COL6A1: variants seen among roughly 807,000 people sequenced by gnomAD.
COL6A1 encodes collagen type VI alpha 1 chain, also known as collagen alpha-1(VI) chain.
In COL6A1, 80 loss-of-function variants were observed where a neutral mutation model predicts 145.6. The ratio of observed to expected loss-of-function variants is 0.55; its 90% CI spans 0.46 to 0.66. COL6A1 has a LOEUF of 0.66. Among genes scored for constraint, COL6A1 ranks in the 30% least tolerant of loss-of-function variants. COL6A1 has a pLI of 0.00. For synonymous variants in COL6A1, 638 were observed against 622.8 expected (o/e 1.02, Z -0.36); for missense variants, 1,364 against 1,473.8 (o/e 0.93, Z 1.22).
In COL6A1 at chr21:45,992,028, G is replaced by A. The variant is rs1401779653; in HGVS notation, c.1138G>A (p.Gly380Arg). 16 of 1,602,162 alleles carry A rather than the reference G, an allele frequency of 1.0e-5. No individual in the cohort carries two copies. Among genetic ancestry groups the A allele is most frequent in the Non-Finnish European group, 1.3e-5 (15 of 1,174,998 alleles). ...KGEKGEPGAD[G>R]EAGRPGSSGP... ...TCCCCAGGGCGAGCCTGGAGCTGAC[G>A]GGGAGGCGGGGAGACCAGGGAGCTC... is the stretch of plus-strand genomic sequence containing the variant. Residue 380 changes from glycine (G) to arginine (R), a missense_variant, in exon 16 of 35, where the codon GGG (glycine) becomes AGG (arginine). By Grantham distance (125) the Gly-to-Arg change is moderately radical. This residue lies in a region of COL6A1 where 938 missense variants were observed against 1,003.8 expected (regional missense o/e 0.93). Transcript: ENST00000361866.
chr21:46,003,452 C>A lies in COL6A1; in HGVS notation c.2526C>A (p.Ser842Arg). The A allele has an allele frequency of 6.2e-7, 1 of 1,606,388 alleles. No homozygotes were observed. The highest frequency in any genetic ancestry group is 8.5e-7 in the Non-Finnish European group (1 of 1,179,728). Reference sequence around the variant, plus strand: ...TGGACGGCTCCGCCAGCGTGGGCAGCCACAACTTTGACACCACCAAGCGCT... The same window carrying A: ...TGGACGGCTCCGCCAGCGTGGGCAGACACAACTTTGACACCACCAAGCGCT... Reference protein sequence around the residue: ...ILLDGSASVGSHNFDTTKRFA... With the variant: ...ILLDGSASVGRHNFDTTKRFA... Residue 842 changes from serine to arginine, a missense_variant, in exon 35 of 35, where the codon AGC becomes AGA. Coordinates refer to ENST00000361866, the MANE Select transcript of COL6A1 (RefSeq NM_001848.3).
chr21:45,987,073 G>T lies in COL6A1; in HGVS notation c.717+1G>T. 6.4e-7 allele frequency: 1 copy of T among 1,558,194 alleles called. No individual in the cohort carries two copies. The highest frequency in any genetic ancestry group is 8.7e-7 in the Non-Finnish European group (1 of 1,151,484). On this transcript the variant is annotated splice_donor_variant, in intron 5 of 34. Transcript: ENST00000361866. LOFTEE classifies it high-confidence loss of function. ...CATCGACACCATCGTGGACATGATCGTGAGGCCCCTGCCCAGGAGACGGGG... is the reference window on the plus strand; with the variant it reads ...CATCGACACCATCGTGGACATGATCTTGAGGCCCCTGCCCAGGAGACGGGG...
At chr21:45,988,976 C>T in intron 8 of COL6A1, 108 bp from the exon 9 acceptor site, 1 of 1,367,480 alleles carries the variant, frequency 7.3e-7, no homozygotes. Context: ...CTTTAAAGCC[C>T]TTGATCCCTG....
rs528205558 is a variant in COL6A1, at chr21:45,987,763, G to A, written c.804+109G>A. 3.8e-5 allele frequency: 47 copies of A among 1,244,376 alleles called. No homozygotes were observed. The South Asian group carries it at 5.1e-4, about 13-fold the overall frequency. 77.1% of individuals were successfully genotyped at this position (1,244,376 alleles called of 1,614,324 possible). ...TCCACCATGAGGATCCAGAGGGGAC[G>A]GCGGGGGTCCAGATGGAGGGGACGG... On this transcript the variant is annotated intron_variant, in intron 8 of 34. Transcript: ENST00000361866.
At chr21:45,987,213 C>T (rs2077744572) in intron 6 of COL6A1, 38 bp downstream of exon 6, 1 of 1,587,478 alleles carries the variant, frequency 6.3e-7, no homozygotes. Context: ...CGTGAGTCTG[C>T]ACACGTCCAC....
Position 45,984,270 on chromosome 21 carries a change from T to A in COL6A1, c.229T>A (p.Tyr77Asn). The change falls in exon 3 of 35, where the codon TAC (tyrosine) becomes AAC (asparagine). Residue 77 changes from tyrosine (Y) to asparagine (N), a missense_variant and splice_region_variant. Tyr to Asn is a moderately radical substitution (Grantham distance 143, BLOSUM62 -2). Coordinates refer to ENST00000361866, the MANE Select transcript of COL6A1 (RefSeq NM_001848.3). ...KRFIDNLRDR[Y>N]YRCDRNLVWN... ...GCCCGCCGTGCCTGTTCCTGGCAGG[T>A]ACTACCGCTGTGACCGAAACCTGGT... 1 of 1,605,248 alleles carries A rather than the reference T, an allele frequency of 6.2e-7. No homozygotes were observed. Among genetic ancestry groups the A allele is most frequent in the Non-Finnish European group, 8.5e-7 (1 of 1,176,602 alleles).
intron 3 of COL6A1, among the ~76,000 whole-genome samples, chr21:45,985,303 G>T (rs1418177749): frequency 6.6e-6 from 1 of 151,796 alleles, no homozygotes; most frequent in Non-Finnish European, 1.5e-5. Flanking sequence ...GATAGAGACA[G>T]AGAGGGAGAC....
intron 20 of COL6A1, among the ~76,000 whole-genome samples, chr21:45,995,991 C>G (rs866970609): frequency 1.3e-5 from 2 of 152,376 alleles, no homozygotes; most frequent in Middle Eastern, 3.4e-3. Flanking sequence ...CCCCTCCCCT[C>G]CACCCTGCCC....
chr21:46,002,209 G>A lies in COL6A1; in HGVS notation c.2067-9G>A, dbSNP rs951198320. On this transcript the variant is annotated splice_polypyrimidine_tract_variant and intron_variant, in intron 31 of 34. Coordinates refer to ENST00000361866, the MANE Select transcript of COL6A1 (RefSeq NM_001848.3). ...CCCCAACCGGCCCTTCCTGCCCTTT[G>A]CTATGCAGAGCCATCAAGAGCCTGC... 1 of 1,597,348 alleles carries A rather than the reference G, an allele frequency of 6.3e-7. No homozygotes were observed. Among genetic ancestry groups the A allele is most frequent in the African/African-American group, 1.3e-5 (1 of 74,908 alleles).
intron 8 of COL6A1, among the ~76,000 whole-genome samples, chr21:45,988,787 T>C (rs2077757623): frequency 6.6e-6 from 1 of 152,136 alleles, no homozygotes; most frequent in Admixed American, 6.5e-5. Flanking sequence ...CCGAGTCCCA[T>C]GGCCATTTCC....
intron 15 of COL6A1, 120 bp from the exon 16 acceptor site, chr21:45,991,890 C>A: frequency 3.1e-6 from 3 of 954,072 alleles, no homozygotes; most frequent in Non-Finnish European, 4.8e-6. Flanking sequence ...TGGGCTCAGA[C>A]AGTGTTGGTC....
At position 46,001,258 on chromosome 21, in the gene COL6A1, A is replaced by C; in HGVS notation, c.1828A>C (p.Lys610Gln). Residue 610 changes from lysine to glutamine, a missense_variant, in exon 30 of 35, where the codon AAG becomes CAG. Transcript: ENST00000361866. ...IMKMCSCCEC[K>Q]CGPIDLLFVL... ...GACACCGCCCCCGCCTGCAGAATGCAAGTGCGGCCCCATCGACCTCCTGTT... is the reference window on the plus strand; with the variant it reads ...GACACCGCCCCCGCCTGCAGAATGCCAGTGCGGCCCCATCGACCTCCTGTT... 2 of 1,607,674 alleles carry C rather than the reference A, an allele frequency of 1.2e-6. No individual in the cohort carries two copies. The highest frequency in any genetic ancestry group is 1.1e-5 in the South Asian group (1 of 91,078).
chr21:45,996,619 A>G (rs1260379213), intron 20 of COL6A1, among the ~76,000 whole-genome samples: 1 of 152,140 alleles, frequency 6.6e-6, no homozygotes, highest in Non-Finnish European at 1.5e-5. Flanking sequence ...GACCAGGCTC[A>G]TGGCTGGGGC....
rs752318371 is a variant in COL6A1, at chr21:46,003,915, G to T, written c.2989G>T (p.Ala997Ser). 8 of 1,607,792 alleles carry T rather than the reference G, an allele frequency of 5.0e-6. No homozygotes were observed. The highest frequency in any genetic ancestry group is 6.8e-6 in the Non-Finnish European group (8 of 1,176,078). ...CGGCAAGACGGCCGAGTACGACGTGGCCTACGGCGAGAGCCACCTGTTCCG... is the reference window on the plus strand; with the variant it reads ...CGGCAAGACGGCCGAGTACGACGTGTCCTACGGCGAGAGCCACCTGTTCCG... Reference protein sequence around the residue: ...VTGKTAEYDVAYGESHLFRVP... With the variant: ...VTGKTAEYDVSYGESHLFRVP... The change falls in exon 35 of 35, where the codon GCC becomes TCC. Residue 997 changes from alanine to serine, a missense_variant. Physicochemically the swap from Ala to Ser is moderately conservative, Grantham distance 99 (BLOSUM62 1). Coordinates refer to ENST00000361866, the MANE Select transcript of COL6A1 (RefSeq NM_001848.3).
chr21:45,985,127 CAG>C (rs1232682420), intron 3 of COL6A1, among the ~76,000 whole-genome samples: 1 of 146,544 alleles, frequency 6.8e-6, no homozygotes, highest in African/African-American at 2.5e-5. Flanking sequence ...GACAGGCAGA[CAG>C]AGAGACAGAG....
chr21:45,986,289 A>G (rs181338884), intron 3 of COL6A1, among the ~76,000 whole-genome samples: 56 of 152,258 alleles, frequency 3.7e-4, no homozygotes, highest in Admixed American at 2.5e-3. Flanking sequence ...CTTTGGGGTC[A>G]TGGGTGCCTC....
intron 29 of COL6A1, 142 bp downstream of exon 29, chr21:46,000,909 C>T (rs368387389): frequency 2.7e-6 from 3 of 1,099,774 alleles, no homozygotes; most frequent in African/African-American, 1.5e-5. Flanking sequence ...CCCTCTGGGG[C>T]CTGCTCCAAG....
At chr21:45,990,913 C>T in intron 14 of COL6A1, 66 bp from the exon 15 acceptor site, 1 of 1,610,038 alleles carries the variant, frequency 6.2e-7, no homozygotes, top group Non-Finnish European at 8.5e-7. Context: ...TCTGGGCGGT[C>T]TGGGGCTGCT....
rs1556432119 is a variant in COL6A1 at position 46,002,346 on chromosome 21, C to T, written c.2195C>T (p.Ser732Leu). Residue 732 changes from serine (S) to leucine (L), a missense_variant, in exon 32 of 35, where the codon TCA (serine) becomes TTA (leucine). This residue lies in a region of COL6A1 where 938 missense variants were observed against 1,003.8 expected (regional missense o/e 0.93). Transcript: ENST00000361866. ...GCCCTGGTCATCACTGACGGGCGCTCAGACACTCAGAGGGACACCACACCG... is the reference window on the plus strand; with the variant it reads ...GCCCTGGTCATCACTGACGGGCGCTTAGACACTCAGAGGGACACCACACCG... ...RIALVITDGRSDTQRDTTPLN... is the reference protein window; with the variant it reads ...RIALVITDGRLDTQRDTTPLN... 6.3e-7 allele frequency: 1 copy of T among 1,591,822 alleles called. No individual in the cohort carries two copies. The highest frequency in any genetic ancestry group is 8.5e-7 in the Non-Finnish European group (1 of 1,169,982).
Sources: gnomAD v4.1 joint callset for allele counts (sites outside exome capture counted in the v4.1 genomes callset) on GRCh38, gnomAD v4.1.1 for gene constraint, gnomAD v4.1.1 regional missense constraint, MANE v1.5 for transcripts, NCBI Gene and HGNC (gene_info 2026-07-23, HGNC 2026-07-21) for gene names.